The following DGKG variants were observed in gnomAD, a reference collection of about 807,000 sequenced individuals.
DGKG encodes the protein diacylglycerol kinase gamma, also known as DAG kinase gamma.
DGKG carries 78 observed loss-of-function variants against 105.3 expected under a neutral mutation model. The observed-to-expected ratio is 0.74, with a 90% CI of 0.62 to 0.89. The LOEUF is 0.89. Ranked by LOEUF, DGKG falls within the 40% of genes least tolerant of loss-of-function variation. The pLI, the probability that DGKG is intolerant of heterozygous loss-of-function variation, is 0.00. For synonymous variants in DGKG, 346 were observed against 367.1 expected (o/e 0.94, Z 0.66); for missense variants, 958 against 1,020.1 (o/e 0.94, Z 0.83).
intron 22 of DGKG, among the ~76,000 whole-genome samples, chr3:186,174,136 T>G (rs1421955521): frequency 6.6e-6 from 1 of 152,176 alleles, no homozygotes; most frequent in Non-Finnish European, 1.5e-5. Flanking sequence ...CTTTTCCGAG[T>G]CTGCCTTTTA....
At chr3:186,301,935 G>A (rs1167234893) in intron 3 of DGKG, among the ~76,000 whole-genome samples, 1 of 152,110 alleles carries the variant, frequency 6.6e-6, no homozygotes, top group Admixed American at 6.5e-5. Context: ...GTGCGTGTAT[G>A]CACTCTGTCC....
intron 2 of DGKG, among the ~76,000 whole-genome samples, chr3:186,318,472 G>T (rs1047065317): frequency 4.6e-5 from 7 of 152,118 alleles, no homozygotes; most frequent in Admixed American, 3.9e-4. Context: ...GTTCAACCGT[G>T]CCCTAAACCT....
At chr3:186,343,846 T>TC (rs1461592473) in intron 1 of DGKG, among the ~76,000 whole-genome samples, 3 of 152,226 alleles carry the variant, frequency 2.0e-5, no homozygotes, top group Non-Finnish European at 4.4e-5. Flanking sequence ...TGTCTTTTTT[T>TC]CACTTAGCAG....
chr3:186,316,399 G>A (rs1724821806), intron 2 of DGKG, among the ~76,000 whole-genome samples: 1 of 152,224 alleles, frequency 6.6e-6, no homozygotes, highest in African/African-American at 2.4e-5. Flanking sequence ...ATATGTATAT[G>A]TGCTTGCATA....
intron 8 of DGKG, among the ~76,000 whole-genome samples, 179 bp downstream of exon 8, chr3:186,280,491 C>A (rs1228597596): frequency 2.0e-5 from 3 of 152,164 alleles, no homozygotes; most frequent in Non-Finnish European, 4.4e-5. Context: ...CGTTTTCCTG[C>A]TGCCTACATT....
chr3:186,310,284 A>AC (rs1398129704), intron 2 of DGKG, among the ~76,000 whole-genome samples: 4 of 149,608 alleles, frequency 2.7e-5, no homozygotes, highest in African/African-American at 9.8e-5. Flanking sequence ...AAAAAAAAAA[A>AC]AAAAACCACA....
At chr3:186,251,110 T>TGG (rs11431720) in intron 19 of DGKG, among the ~76,000 whole-genome samples, 9 of 151,814 alleles carry the variant, frequency 5.9e-5, no homozygotes, top group African/African-American at 9.7e-5. Flanking sequence ...TGCATGGCAG[T>TGG]GGGGGGCACC....
chr3:186,299,915 A>G (rs1723840378), intron 3 of DGKG, among the ~76,000 whole-genome samples: 2 of 150,552 alleles, frequency 1.3e-5, no homozygotes, highest in African/African-American at 4.9e-5. Flanking sequence ...GCTCACTGCA[A>G]CATCTACCTC....
At chr3:186,355,194 A>ACTCCCCACACAAC (rs1726852854) in intron 1 of DGKG, among the ~76,000 whole-genome samples, 1 of 57,802 alleles carries the variant, frequency 1.7e-5, no homozygotes, top group African/African-American at 5.1e-5. Flanking sequence ...ACCACCATCA[A>ACTCCCCACACAAC]TACCACCACC....
intron 5 of DGKG, among the ~76,000 whole-genome samples, chr3:186,294,852 C>T (rs185709575): frequency 1.2e-4 from 19 of 152,252 alleles, no homozygotes; most frequent in Admixed American, 1.0e-3. Context: ...AGGGCATGGA[C>T]GAGCCAGCAA....
intron 3 of DGKG, among the ~76,000 whole-genome samples, chr3:186,306,347 C>T (rs577975886): frequency 9.9e-5 from 15 of 151,526 alleles, no homozygotes; most frequent in Middle Eastern, 3.4e-3. Context: ...ATAAAATATA[C>T]GAAGAAAGCT....
intron 1 of DGKG, among the ~76,000 whole-genome samples, chr3:186,349,715 C>T (rs1320957666): frequency 6.6e-6 from 1 of 152,136 alleles, no homozygotes; most frequent in Non-Finnish European, 1.5e-5. Context: ...ATGTGTTTCC[C>T]ATTGCCTGCC....
intron 20 of DGKG, among the ~76,000 whole-genome samples, chr3:186,233,845 CATA>C (rs1259015453): frequency 6.6e-6 from 1 of 152,190 alleles, no homozygotes; most frequent in Non-Finnish European, 1.5e-5. Flanking sequence ...AGGAAACTCA[CATA>C]ATATTATACC....
intron 19 of DGKG, among the ~76,000 whole-genome samples, chr3:186,246,270 C>G (rs61517687): frequency 2.6e-5 from 4 of 152,144 alleles, no homozygotes; most frequent in Non-Finnish European, 4.4e-5. Flanking sequence ...CCACGCCTGG[C>G]CTGAAATTAA....
intron 6 of DGKG, among the ~76,000 whole-genome samples, chr3:186,287,414 T>A (rs749316272): frequency 3.3e-5 from 5 of 152,098 alleles, no homozygotes; most frequent in Non-Finnish European, 5.9e-5. Flanking sequence ...TGACCATGAG[T>A]TGATAATTGT....
intron 2 of DGKG, among the ~76,000 whole-genome samples, chr3:186,316,635 C>G (rs751815606): frequency 4.6e-5 from 7 of 152,076 alleles, no homozygotes. Flanking sequence ...CGTTTACATA[C>G]AAAGTTAAGT....
intron 2 of DGKG, chr3:186,313,518 A>G (rs758051287): frequency 4.3e-5 from 42 of 985,298 alleles, no homozygotes; most frequent in Non-Finnish European, 4.7e-5. Context: ...TTTCAAGTGA[A>G]GGTGGAGGAA....
chr3:186,293,268 G>C (rs765584059), intron 5 of DGKG, among the ~76,000 whole-genome samples: 1 of 152,162 alleles, frequency 6.6e-6, no homozygotes, highest in Non-Finnish European at 1.5e-5. Flanking sequence ...TCGGTGCTTT[G>C]CCTATTCATC....
At chr3:186,232,256 CCTTT>C (rs1255026128) in intron 20 of DGKG, among the ~76,000 whole-genome samples, 1 of 152,190 alleles carries the variant, frequency 6.6e-6, no homozygotes, top group East Asian at 1.9e-4. Context: ...CCATTCAGCT[CCTTT>C]CTATCACCTT....
Sources: gnomAD v4.1 joint callset for allele counts (sites outside exome capture counted in the v4.1 genomes callset) on GRCh38, gnomAD v4.1.1 for gene constraint, MANE v1.5 for transcripts, NCBI Gene and HGNC (gene_info 2026-07-23, HGNC 2026-07-21) for gene names.